The following NSD1 variants were observed in gnomAD, a reference collection of about 807,000 sequenced individuals.
NSD1 encodes nuclear receptor binding SET domain protein 1, also known as histone-lysine N-methyltransferase, H3 lysine-36 specific.
In NSD1, 26 loss-of-function variants were observed where a neutral mutation model predicts 242.7. That is an observed-to-expected ratio of 0.11 (90% CI 0.08 to 0.15). The LOEUF (loss-of-function observed/expected upper bound fraction) is 0.15, where lower values mean the gene tolerates loss of function less well. Among genes scored for constraint, NSD1 ranks in the 10% least tolerant of loss-of-function variants. The pLI, the probability that NSD1 is intolerant of heterozygous loss-of-function variation, is 1.00. For synonymous variants in NSD1, 1,106 were observed against 1,178.1 expected (o/e 0.94, Z 1.25); for missense variants, 2,495 against 3,272.8 (o/e 0.76, Z 5.80).
At chr5:177,204,008 A>C in intron 3 of NSD1, 112 bp from the exon 4 acceptor site, 2 of 999,416 alleles carry the variant, frequency 2.0e-6, no homozygotes, top group Admixed American at 3.4e-5. Flanking sequence ...TTCAGTGGGC[A>C]TGTTAGTTGT....
In NSD1 at chr5:177,265,269, T is replaced by C. The variant is rs1757325326; in HGVS notation, c.5147-2293T>C. 20 of 701,624 alleles carry C rather than the reference T, an allele frequency of 2.9e-5. No homozygotes were observed. The South Asian group carries it at 2.9e-4, about 10-fold the overall frequency. 43.5% of individuals were successfully genotyped at this position (701,624 alleles called of 1,614,324 possible). A position where few individuals can be genotyped will look rare whatever the true frequency, so the allele number is the denominator to read the frequency against. ...GGTGTTAAAAAAAATAAAAGACCTC[T>C]GGACTGTTAAAAAAAAAAAGCAAAA... is the stretch of plus-strand genomic sequence containing the variant. On this transcript the variant is annotated intron_variant, in intron 14 of 22. Transcript: ENST00000439151.
In NSD1 at chr5:177,135,811, G is replaced by A; in HGVS notation, c.708G>A (p.Gln236=). Residue 236 remains glutamine (Q), a synonymous_variant, in exon 2 of 23, where the codon CAG becomes CAA. Transcript: ENST00000439151. ...CATTAGCTCCTCAGACTGAAACACA[G>A]AAAAATAAGCAAAGAAATGAAGTGG... ...FLPLAPQTET[Q]KNKQRNEVDG... 1 of 1,608,150 alleles carries A rather than the reference G, an allele frequency of 6.2e-7. No homozygotes were observed. Among genetic ancestry groups the A allele is most frequent in the Non-Finnish European group, 8.5e-7 (1 of 1,175,934 alleles).
chr5:177,215,602 C>A (rs540883492), intron 5 of NSD1, among the ~76,000 whole-genome samples: 1 of 151,514 alleles, frequency 6.6e-6, no homozygotes. Context: ...TATAATGATG[C>A]GATCTCAAGT....
intron 4 of NSD1, among the ~76,000 whole-genome samples, chr5:177,207,723 C>T (rs111341767): frequency 6.0e-5 from 9 of 149,476 alleles, no homozygotes; most frequent in African/African-American, 1.5e-4. Flanking sequence ...AGCCACTCCA[C>T]GCAGCCTTTT....
At chr5:177,201,213 T>G (rs187612405) in intron 3 of NSD1, among the ~76,000 whole-genome samples, 1 of 151,992 alleles carries the variant, frequency 6.6e-6, no homozygotes, top group African/African-American at 2.4e-5. Flanking sequence ...TTTTGTTGTT[T>G]TTTATTTGTT....
chr5:177,154,740 A>C (rs1005958057), intron 2 of NSD1, among the ~76,000 whole-genome samples: 4 of 152,044 alleles, frequency 2.6e-5, no homozygotes, highest in Admixed American at 2.6e-4. Context: ...CTGTCGCCCC[A>C]GCTGGAATGC....
chr5:177,198,029 A>G (rs752845511), intron 3 of NSD1, among the ~76,000 whole-genome samples: 1 of 151,952 alleles, frequency 6.6e-6, no homozygotes, highest in Non-Finnish European at 1.5e-5. Flanking sequence ...CTTATTTTTG[A>G]GAAAGAGTCT....
intron 2 of NSD1, among the ~76,000 whole-genome samples, chr5:177,140,955 T>C (rs1175968150): frequency 2.0e-5 from 3 of 152,154 alleles, no homozygotes; most frequent in East Asian, 3.9e-4. Flanking sequence ...TGGAAGAAAA[T>C]TGATCTCTTC....
intron 2 of NSD1, among the ~76,000 whole-genome samples, chr5:177,156,524 A>C (rs1299772582): frequency 6.6e-6 from 1 of 152,168 alleles, no homozygotes; most frequent in Non-Finnish European, 1.5e-5. Flanking sequence ...AACTTAAAAA[A>C]TCAGACTTGG....
In NSD1 at chr5:177,276,323, C is replaced by CTT. The variant is rs770573165; in HGVS notation, c.5622+2551_5622+2552dup. Among the ~76,000 whole-genome samples, 202 of 143,326 alleles carry CTT rather than the reference C, an allele frequency of 1.4e-3. 2 individuals carry two copies. The highest frequency in any genetic ancestry group is 7.1e-3 in the Middle Eastern group (2 of 280). 94.0% of individuals were successfully genotyped at this position (143,326 alleles called of 152,430 possible). On this transcript the variant is annotated intron_variant, in intron 17 of 22. Transcript: ENST00000439151. ...AAGTCATAAACACTGCTTCTGAAGT[C>CTT]TTTTTTTTTTTTTCCCCCTGAGACA...
In NSD1 at chr5:177,286,061, A is replaced by G. The variant is rs535450752; in HGVS notation, c.6151+2133A>G. ...CAGGCATCCACCACCATGCCCGGCTATTTTTTGGTATTTTTAGTAGAGACT... is the reference window on the plus strand; with the variant it reads ...CAGGCATCCACCACCATGCCCGGCTGTTTTTTGGTATTTTTAGTAGAGACT... On this transcript the variant is annotated intron_variant, in intron 20 of 22. Coordinates refer to ENST00000439151, the MANE Select transcript of NSD1 (RefSeq NM_022455.5). Among the ~76,000 whole-genome samples the G allele has an allele frequency of 9.7e-4, 148 of 151,998 alleles. 2 individuals are homozygous for G. Among genetic ancestry groups the G allele is most frequent in the African/African-American group, 3.3e-3 (136 of 41,458 alleles).
intron 12 of NSD1, among the ~76,000 whole-genome samples, chr5:177,252,784 GCT>G (rs1463008456): frequency 6.9e-6 from 1 of 145,028 alleles, no homozygotes; most frequent in Non-Finnish European, 1.5e-5. Context: ...GTGTTCTCTC[GCT>G]CTCTCTCTCC....
chr5:177,287,003 C>T (rs1417606162), intron 20 of NSD1, among the ~76,000 whole-genome samples: 5 of 152,192 alleles, frequency 3.3e-5, no homozygotes, highest in African/African-American at 1.2e-4. Context: ...CTTCCTGGGC[C>T]CTTCACATAC....
chr5:177,132,389 C>T (rs1457127643), upstream of NSD1, among the ~76,000 whole-genome samples: 1 of 151,352 alleles, frequency 6.6e-6, no homozygotes, highest in Non-Finnish European at 1.5e-5. This position sits in a 1 kb window ranked among gnomAD's most constrained non-coding sequence, Gnocchi z 7.5. Context: ...GGCGCGCACG[C>T]ACATACCCAC....
Position 177,221,216 on chromosome 5 carries a change from T to C in NSD1, c.3796+9021T>C, listed in dbSNP as rs115783175. Among the ~76,000 whole-genome samples, 304 of 152,302 alleles carry C rather than the reference T, an allele frequency of 2.0e-3. 1 individual carries two copies. The highest frequency in any genetic ancestry group is 7.1e-3 in the African/African-American group (293 of 41,558). ...TAAAGTAATTACAGACAAAGATTTG[T>C]TATTACCATTTTGCTAATTGTTTCT... On this transcript the variant is annotated intron_variant, in intron 5 of 22. Transcript: ENST00000439151.
chr5:177,146,437 C>A (rs1211978311), intron 2 of NSD1, among the ~76,000 whole-genome samples: 1 of 151,854 alleles, frequency 6.6e-6, no homozygotes, highest in Non-Finnish European at 1.5e-5. Flanking sequence ...ATCTCCCGAC[C>A]TTGTGATCCG....
At chr5:177,166,308 G>A (rs1759191903) in intron 2 of NSD1, among the ~76,000 whole-genome samples, 1 of 151,992 alleles carries the variant, frequency 6.6e-6, no homozygotes, top group African/African-American at 2.4e-5. Flanking sequence ...AGCACTTTGG[G>A]AGGCTGAGGT....
chr5:177,158,480 GGC>G (rs1758389114), intron 2 of NSD1, among the ~76,000 whole-genome samples: 1 of 151,356 alleles, frequency 6.6e-6, no homozygotes, highest in African/African-American at 2.4e-5. Context: ...TTGGACTACA[GGC>G]GCCCGCCACC....
At position 177,297,150 on chromosome 5, in the gene NSD1, T is replaced by G. The variant is rs1562315320; in HGVS notation, c.*1691T>G. On this transcript the variant is annotated 3_prime_UTR_variant, in exon 23 of 23. Transcript: ENST00000439151. ...GTCTCTGAGGTTGAGACACTTGAACTCAGGCAGAGGGACGAGGCTGGGCAG... is the reference window on the plus strand; with the variant it reads ...GTCTCTGAGGTTGAGACACTTGAACGCAGGCAGAGGGACGAGGCTGGGCAG... 1 of 232,850 alleles carries G rather than the reference T, an allele frequency of 4.3e-6. No individual in the cohort carries two copies. Among genetic ancestry groups the G allele is most frequent in the Admixed American group, 5.6e-5 (1 of 17,774 alleles). 14.4% of individuals were successfully genotyped at this position (232,850 alleles called of 1,614,324 possible).
Sources: allele counts gnomAD v4.1 joint callset (sites outside exome capture counted in the v4.1 genomes callset), GRCh38; gene constraint gnomAD v4.1.1; non-coding constraint Gnocchi (gnomAD v3.1); transcripts MANE v1.5; gene names NCBI Gene and HGNC (gene_info 2026-07-23, HGNC 2026-07-21).